The following PTPRD variants were observed in gnomAD, a reference collection of about 807,000 sequenced individuals.
The protein encoded by PTPRD is receptor-type tyrosine-protein phosphatase delta.
In PTPRD, 34 loss-of-function variants were observed where a neutral mutation model predicts 214.5. The ratio of observed to expected loss-of-function variants is 0.16; its 90% CI spans 0.12 to 0.21. The LOEUF (loss-of-function observed/expected upper bound fraction) is 0.21, where lower values mean the gene tolerates loss of function less well. Among genes scored for constraint, PTPRD ranks in the 10% least tolerant of loss-of-function variants. The probability of loss-of-function intolerance (pLI) is 1.00; values close to 1 mark genes in which losing one functional copy is unlikely to be tolerated. For missense variants in PTPRD, 2,545 were observed against 2,398.7 expected, an observed-to-expected ratio of 1.06 and a Z score of -1.27; for synonymous variants, 1,128 against 845.7, an observed-to-expected ratio of 1.33 and a Z score of -5.79.
intron 44 of PTPRD, 130 bp downstream of exon 44, chr9:8,331,452 C>CCTGCTTTAAGTTTTGTAATACATTG: frequency 9.5e-7 from 1 of 1,051,202 alleles, no homozygotes; most frequent in Non-Finnish European, 1.3e-6. Flanking sequence ...AGAAATCAAT[C>CCTGCTTTAAGTTTTGTAATACATTG]CTGCTTTAAG....
rs1222527431 is a variant in PTPRD at position 10,093,174 on chromosome 9, T to C, written c.-544-59384A>G. On this transcript the variant is annotated intron_variant, in intron 3 of 45. Coordinates refer to ENST00000381196, the MANE Select transcript of PTPRD (RefSeq NM_002839.4). ...AAGAGTAAACAGAAAACCTACAAAA[T>C]GAGAGAAAATATAAGCAAACTATGC... is the stretch of plus-strand genomic sequence containing the variant. Among the ~76,000 whole-genome samples, 9 of 151,066 alleles carry C rather than the reference T, an allele frequency of 6.0e-5. No individual in the cohort carries two copies. The Admixed American group carries it at 6.0e-4, about 10-fold the overall frequency.
At chr9:8,435,465 C>T (rs1590343841) in intron 35 of PTPRD, among the ~76,000 whole-genome samples, 1 of 152,132 alleles carries the variant, frequency 6.6e-6, no homozygotes, top group South Asian at 2.1e-4. Flanking sequence ...TCAATAGAAA[C>T]CCCGATGGTG....
At chr9:9,114,329 C>G (rs2099810088) in intron 10 of PTPRD, among the ~76,000 whole-genome samples, 1 of 152,104 alleles carries the variant, frequency 6.6e-6, no homozygotes, top group South Asian at 2.1e-4. Context: ...AATGAATGTG[C>G]TGAATTGTAA....
intron 9 of PTPRD, among the ~76,000 whole-genome samples, chr9:9,334,825 C>A (rs2043788792): frequency 1.3e-5 from 2 of 151,800 alleles, no homozygotes; most frequent in South Asian, 4.2e-4. Flanking sequence ...TAAAGATCTT[C>A]CAAGGTACCA....
At chr9:10,180,693 C>G (rs1015936959) in intron 3 of PTPRD, among the ~76,000 whole-genome samples, 5 of 148,572 alleles carry the variant, frequency 3.4e-5, no homozygotes, top group African/African-American at 1.2e-4. Flanking sequence ...ACCAAATCAA[C>G]AGTATATTAT....
intron 11 of PTPRD, among the ~76,000 whole-genome samples, chr9:8,980,528 C>T (rs1041504196): frequency 1.3e-5 from 2 of 151,988 alleles, no homozygotes; most frequent in African/African-American, 4.8e-5. Flanking sequence ...TTTAAAAAGT[C>T]TATTGGAAAA....
At position 8,754,560 on chromosome 9, in the gene PTPRD, A is replaced by G. The variant is rs115208303; in HGVS notation, c.-103-20614T>C. On this transcript the variant is annotated intron_variant, in intron 11 of 45. Coordinates refer to ENST00000381196, the MANE Select transcript of PTPRD (RefSeq NM_002839.4). Reference sequence around the variant, plus strand: ...TAAATGGGTATCTGCATGAAGAAAAACATACACTGACCCTCTACCTCACAC... The same window carrying G: ...TAAATGGGTATCTGCATGAAGAAAAGCATACACTGACCCTCTACCTCACAC... Among the ~76,000 whole-genome samples the G allele has an allele frequency of 2.8e-3, 419 of 152,316 alleles. 3 individuals carry two copies. Among genetic ancestry groups the G allele is most frequent in the African/African-American group, 9.0e-3 (373 of 41,580 alleles).
chr9:9,106,247 A>G (rs1327143538), intron 10 of PTPRD, among the ~76,000 whole-genome samples: 1 of 152,012 alleles, frequency 6.6e-6, no homozygotes, highest in Non-Finnish European at 1.5e-5. Flanking sequence ...TCTCAGTCAC[A>G]TCTGCAGTGG....
intron 8 of PTPRD, among the ~76,000 whole-genome samples, chr9:9,529,748 T>C (rs992719992): frequency 6.6e-6 from 1 of 151,990 alleles, no homozygotes; most frequent in Admixed American, 6.6e-5. Context: ...ACATGCACTG[T>C]CATATAATCC....
intron 2 of PTPRD, among the ~76,000 whole-genome samples, chr9:10,602,301 A>G (rs1400150131): frequency 6.6e-6 from 1 of 151,872 alleles, no homozygotes; most frequent in East Asian, 1.9e-4. Flanking sequence ...TTCATATAAC[A>G]AAGACGTTTC....
intron 9 of PTPRD, among the ~76,000 whole-genome samples, chr9:9,281,270 T>C (rs1426642627): frequency 4.0e-5 from 6 of 151,156 alleles, no homozygotes; most frequent in Admixed American, 6.6e-5. Context: ...CTCACTGAAA[T>C]TAAATACTTC....
chr9:10,580,429 T>G (rs1242395305), intron 2 of PTPRD, among the ~76,000 whole-genome samples: 1 of 152,220 alleles, frequency 6.6e-6, no homozygotes, highest in Admixed American at 6.5e-5. Flanking sequence ...GGCACATATG[T>G]GAATTCAATG....
chr9:9,297,471 A>C (rs1348316909), intron 9 of PTPRD, among the ~76,000 whole-genome samples: 1 of 151,568 alleles, frequency 6.6e-6, no homozygotes, highest in African/African-American at 2.4e-5. Context: ...AATCCCAATA[A>C]ATATCACCAA....
At chr9:10,485,309 T>G (rs1589230972) in intron 2 of PTPRD, among the ~76,000 whole-genome samples, 1 of 152,244 alleles carries the variant, frequency 6.6e-6, no homozygotes, top group East Asian at 1.9e-4. Context: ...ACTTCCAATT[T>G]TATTAACTTT....
chr9:8,448,312 A>G (rs533481786), intron 34 of PTPRD, among the ~76,000 whole-genome samples: 6 of 152,314 alleles, frequency 3.9e-5, no homozygotes, highest in African/African-American at 1.4e-4. Flanking sequence ...TGGACAATCG[A>G]GTGAGACTCT....
intron 11 of PTPRD, among the ~76,000 whole-genome samples, chr9:8,920,743 A>G (rs1041970232): frequency 4.6e-5 from 7 of 152,242 alleles, no homozygotes; most frequent in Non-Finnish European, 1.0e-4. Flanking sequence ...GATATAAGAC[A>G]GAATACTAAA....
chr9:10,461,195 T>G (rs1287212279), intron 2 of PTPRD, among the ~76,000 whole-genome samples: 1 of 148,374 alleles, frequency 6.7e-6, no homozygotes, highest in East Asian at 2.0e-4. Flanking sequence ...CTATATATCC[T>G]CATAACTGTT....
At chr9:9,251,196 A>G (rs1425326323) in intron 9 of PTPRD, among the ~76,000 whole-genome samples, 1 of 152,050 alleles carries the variant, frequency 6.6e-6, no homozygotes, top group Non-Finnish European at 1.5e-5. Context: ...CCCAGGGTTG[A>G]GGTTCCATTT....
chr9:9,146,227 G>T (rs986936512), intron 10 of PTPRD, among the ~76,000 whole-genome samples: 10 of 152,008 alleles, frequency 6.6e-5, no homozygotes, highest in Admixed American at 4.6e-4. Context: ...ATTAAACACT[G>T]CTGTGCATGG....
Sources: allele counts gnomAD v4.1 joint callset (sites outside exome capture counted in the v4.1 genomes callset), GRCh38; gene constraint gnomAD v4.1.1; transcripts MANE v1.5; gene names NCBI Gene and HGNC (gene_info 2026-07-23, HGNC 2026-07-21).